ATP10D: variants seen among roughly 807,000 people sequenced by gnomAD.
ATP10D encodes the protein phospholipid-transporting ATPase VD.
Under a neutral mutation model 144.8 loss-of-function variants are expected in ATP10D, and 89 were observed. That is an observed-to-expected ratio of 0.61 (90% CI 0.52 to 0.73). ATP10D has a LOEUF of 0.73. ATP10D is among the 30% of genes least tolerant of loss of function. The pLI, the probability that ATP10D is intolerant of heterozygous loss-of-function variation, is 0.00. For missense variants in ATP10D, 1,603 were observed against 1,714.8 expected (o/e 0.93, Z 1.15); for synonymous variants, 571 against 615.1 (o/e 0.93, Z 1.06).
chr4:47,505,181 T>A (rs1251528102), intron 1 of ATP10D, among the ~76,000 whole-genome samples: 1 of 152,262 alleles, frequency 6.6e-6, no homozygotes, highest in Admixed American at 6.5e-5. Context: ...GTATCCGCTG[T>A]CAAGCCATTA....
chr4:47,592,218 T>C lies in ATP10D; in HGVS notation c.*837T>C, dbSNP rs993245456. ...TCAGCCTGTGGCCCATTGGGTGATT[T>C]CCTGTATTTTAAAACTGACAGTAGC... On this transcript the variant is annotated 3_prime_UTR_variant, in exon 23 of 23. Transcript: ENST00000273859. 1 of 152,554 alleles carries C rather than the reference T, an allele frequency of 6.6e-6. No homozygotes were observed. The allele number at this position is 152,554 out of a possible 1,614,324, so 9.5% of individuals were successfully genotyped here. A position where few individuals can be genotyped will look rare whatever the true frequency, so the allele number is the denominator to read the frequency against.
At chr4:47,496,885 A>G (rs1283675567) in intron 1 of ATP10D, among the ~76,000 whole-genome samples, 1 of 152,080 alleles carries the variant, frequency 6.6e-6, no homozygotes, top group East Asian at 1.9e-4. Context: ...TCTACTGCCC[A>G]GGCTGGAGTG....
intron 10 of ATP10D, among the ~76,000 whole-genome samples, chr4:47,552,371 G>T (rs4694855): frequency 0.22 from 33,449 of 152,080 alleles, 4,395 homozygotes; most frequent in East Asian, 0.49. Context: ...ATTTTTCACA[G>T]ATCTGGAGGC....
At chr4:47,495,739 T>C (rs1158869937) in intron 1 of ATP10D, among the ~76,000 whole-genome samples, 1 of 117,098 alleles carries the variant, frequency 8.5e-6, no homozygotes. Context: ...TTAAGCAACT[T>C]TTTTTTTTTT....
At chr4:47,554,958 A>G in intron 11 of ATP10D, 44 bp downstream of exon 11, 1 of 1,556,122 alleles carries the variant, frequency 6.4e-7, no homozygotes, top group South Asian at 1.1e-5. Context: ...TTTCCAGAAG[A>G]GAATTTTGGG....
intron 9 of ATP10D, among the ~76,000 whole-genome samples, chr4:47,545,688 A>T (rs750567277): frequency 6.6e-6 from 1 of 152,258 alleles, no homozygotes; most frequent in Non-Finnish European, 1.5e-5. Context: ...GTACCTATCA[A>T]CTGCTGCTTT....
At chr4:47,569,248 T>C in intron 16 of ATP10D, 102 bp downstream of exon 16, 1 of 1,345,810 alleles carries the variant, frequency 7.4e-7, no homozygotes, top group Non-Finnish European at 1.0e-6. Flanking sequence ...TCCATTTTCC[T>C]CCTCCCTTTT....
At position 47,568,850 on chromosome 4, in the gene ATP10D, T is replaced by C; in HGVS notation, c.2867T>C (p.Met956Thr). 1 of 1,613,816 alleles carries C rather than the reference T, an allele frequency of 6.2e-7. No individual in the cohort carries two copies. The highest frequency in any genetic ancestry group is 8.5e-7 in the Non-Finnish European group (1 of 1,179,778). Reference sequence around the variant, plus strand: ...TCTTGTTTCAAGGATGCCTGTGGGATGCTGATGAGCACAATTTTGAAAGAA... The same window carrying C: ...TCTTGTTTCAAGGATGCCTGTGGGACGCTGATGAGCACAATTTTGAAAGAA... ...LNTQSKDACG[M>T]LMSTILKELQ... The change falls in exon 16 of 23, where the codon ATG becomes ACG. Residue 956 changes from methionine (M) to threonine (T), a missense_variant. Physicochemically the swap from Met to Thr is moderately conservative, Grantham distance 81. Transcript: ENST00000273859.
At position 47,568,959 on chromosome 4, in the gene ATP10D, G is replaced by C; in HGVS notation, c.2976G>C (p.Gly992=). 1.2e-6 allele frequency: 2 copies of C among 1,614,172 alleles called. No individual in the cohort carries two copies. Among genetic ancestry groups the C allele is most frequent in the Non-Finnish European group, 1.7e-6 (2 of 1,180,026 alleles). Reference sequence around the variant, plus strand: ...AGCCTCCTGTCCCCCGGGACTCAGGGTTACGAGCTGGACTCATTATCACTG... The same window carrying C: ...AGCCTCCTGTCCCCCGGGACTCAGGCTTACGAGCTGGACTCATTATCACTG... ...LLQPPVPRDS[G]LRAGLIITGK... The change falls in exon 16 of 23, where the codon GGG becomes GGC. Residue 992 remains glycine, a synonymous_variant. Transcript: ENST00000273859.
chr4:47,591,343 T>G lies in ATP10D; in HGVS notation c.4243T>G (p.Phe1415Val). ...TCAAGGCTACTCTGAAACTAAGGCCTTTGAGATGGCTGGACCCTCCAAAGG... is the reference window on the plus strand; with the variant it reads ...TCAAGGCTACTCTGAAACTAAGGCCGTTGAGATGGCTGGACCCTCCAAAGG... ...LDQGYSETKA[F>V]EMAGPSKGKE... Residue 1415 changes from phenylalanine to valine, a missense_variant, in exon 23 of 23, where the codon TTT becomes GTT. Physicochemically the swap from Phe to Val is conservative, Grantham distance 50 (BLOSUM62 -1). Transcript: ENST00000273859. 1.2e-6 allele frequency: 2 copies of G among 1,612,488 alleles called. No homozygotes were observed. Among genetic ancestry groups the G allele is most frequent in the Non-Finnish European group, 1.7e-6 (2 of 1,178,996 alleles).
At chr4:47,522,770 T>C (rs1717011530) in intron 3 of ATP10D, among the ~76,000 whole-genome samples, 1 of 152,176 alleles carries the variant, frequency 6.6e-6, no homozygotes, top group South Asian at 2.1e-4. Flanking sequence ...GGTTTCACCA[T>C]GTTGGCCAGG....
intron 1 of ATP10D, among the ~76,000 whole-genome samples, chr4:47,496,452 C>T (rs1318562559): frequency 1.3e-5 from 2 of 152,124 alleles, no homozygotes; most frequent in Admixed American, 6.5e-5. Flanking sequence ...CCACCGCGCC[C>T]GGCTGTGTAG....
In ATP10D at chr4:47,592,187, A is replaced by G. The variant is rs11930255; in HGVS notation, c.*806A>G. 0.088 allele frequency: 13,459 copies of G among 152,628 alleles called. 674 individuals are homozygous for G. The highest frequency in any genetic ancestry group is 0.13 in the African/African-American group (5,598 of 41,546). The allele number at this position is 152,628 out of a possible 1,614,324, so 9.5% of individuals were successfully genotyped here. A position where few individuals can be genotyped will look rare whatever the true frequency, so the allele number is the denominator to read the frequency against. Reference sequence around the variant, plus strand: ...AACTGAAGCCATAGGTCAGGCAGACATCAGCTCAGCCTGTGGCCCATTGGG... The same window carrying G: ...AACTGAAGCCATAGGTCAGGCAGACGTCAGCTCAGCCTGTGGCCCATTGGG... On this transcript the variant is annotated 3_prime_UTR_variant, in exon 23 of 23. Coordinates refer to ENST00000273859, the MANE Select transcript of ATP10D (RefSeq NM_020453.4).
intron 5 of ATP10D, among the ~76,000 whole-genome samples, chr4:47,527,076 A>AGGC (rs1479608316): frequency 6.6e-6 from 1 of 152,310 alleles, no homozygotes; most frequent in East Asian, 1.9e-4. Flanking sequence ...TATAATAATC[A>AGGC]GGCCAGTGTC....
At chr4:47,540,501 A>C (rs915527227) in intron 9 of ATP10D, among the ~76,000 whole-genome samples, 6 of 152,150 alleles carry the variant, frequency 3.9e-5, no homozygotes, top group African/African-American at 1.2e-4. Flanking sequence ...AAATTTTAAC[A>C]AGCCACTCCT....
rs1717036611 is a variant in ATP10D at position 47,523,041 on chromosome 4, G to A, written c.515G>A (p.Trp172Ter). The A allele has an allele frequency of 6.2e-7, 1 of 1,612,716 alleles. No homozygotes were observed. The highest frequency in any genetic ancestry group is 8.5e-7 in the Non-Finnish European group (1 of 1,179,492). ...GAGAAAAAATACATTGACCGATGCT[G>A]GAAAGACGTTACTGTTGGGGACTTT... ...RKEKKYIDRCWKDVTVGDFIR... is the reference protein window; with the variant it reads ...RKEKKYIDRC Residue 172 changes from tryptophan (W) to a stop codon, truncating the protein, a stop_gained, in exon 4 of 23, where the codon TGG (tryptophan) becomes TAG (stop). Coordinates refer to ENST00000273859, the MANE Select transcript of ATP10D (RefSeq NM_020453.4). LOFTEE classifies it high-confidence loss of function.
At chr4:47,535,117 T>G (rs567661087) in intron 5 of ATP10D, among the ~76,000 whole-genome samples, 26 of 152,042 alleles carry the variant, frequency 1.7e-4, no homozygotes, top group African/African-American at 6.3e-4. Flanking sequence ...AAACATTTAG[T>G]ACATATAGAC....
chr4:47,505,201 T>G (rs1442006528), intron 1 of ATP10D, among the ~76,000 whole-genome samples: 2 of 152,244 alleles, frequency 1.3e-5, no homozygotes, highest in Non-Finnish European at 1.5e-5. Flanking sequence ...AGTGCATAGC[T>G]GAGGTTACAC....
intron 7 of ATP10D, 23 bp downstream of exon 7, chr4:47,536,056 C>A: frequency 6.3e-7 from 1 of 1,593,856 alleles, no homozygotes; most frequent in Non-Finnish European, 8.5e-7. Context: ...TGATTATTTG[C>A]TGACATCTTT....
Sources: gnomAD v4.1 joint callset for allele counts (sites outside exome capture counted in the v4.1 genomes callset) on GRCh38, gnomAD v4.1.1 for gene constraint, MANE v1.5 for transcripts, NCBI Gene and HGNC (gene_info 2026-07-23, HGNC 2026-07-21) for gene names.